Variants in RXFP1 observed in about 807,000 individuals in gnomAD.
The protein encoded by RXFP1 is relaxin receptor 1.
RXFP1 carries 73 observed loss-of-function variants against 89.8 expected under a neutral mutation model. That is an observed-to-expected ratio of 0.81 (90% confidence interval 0.67 to 0.99). The LOEUF (loss-of-function observed/expected upper bound fraction) is 0.99. Among genes scored for constraint, RXFP1 ranks in the 50% least tolerant of loss-of-function variants. RXFP1 has a pLI of 0.00. For synonymous variants in RXFP1, 277 were observed against 305.5 expected, an observed-to-expected ratio of 0.91 and a Z score of 0.97; for missense variants, 793 against 895.5, an observed-to-expected ratio of 0.89 and a Z score of 1.46.
Position 158,648,544 on chromosome 4 carries a change from G to A in RXFP1, c.1802G>A (p.Ser601Asn), listed in dbSNP as rs760651999. The A allele has an allele frequency of 1.9e-6, 3 of 1,609,386 alleles. No individual in the cohort carries two copies. Among genetic ancestry groups the A allele is most frequent in the South Asian group, 1.1e-5 (1 of 89,872 alleles). The part of the protein sequence containing the change: ...AFIIIVFSYG[S>N]MFYSVHQSAI... ...ATCATCATAGTTTTTTCCTATGGAAGCATGTTTTATAGTGTTCATCAAAGT... is the reference window on the plus strand; with the variant it reads ...ATCATCATAGTTTTTTCCTATGGAAACATGTTTTATAGTGTTCATCAAAGT... The change falls in exon 17 of 18, where the codon AGC becomes AAC. Residue 601 changes from serine (S) to asparagine (N), a missense_variant. By Grantham distance (46) the Ser-to-Asn change is conservative (BLOSUM62 1). Transcript: ENST00000307765.
intron 11 of RXFP1, among the ~76,000 whole-genome samples, chr4:158,632,901 G>A (rs1768370325): frequency 1.3e-5 from 2 of 152,222 alleles, no homozygotes; most frequent in South Asian, 4.1e-4. Flanking sequence ...GCCAGGTGCA[G>A]TGGCTCACGC....
intron 1 of RXFP1, among the ~76,000 whole-genome samples, chr4:158,529,285 G>A (rs1463233769): frequency 6.6e-6 from 1 of 150,864 alleles, no homozygotes; most frequent in African/African-American, 2.4e-5. Context: ...ATGAGACAGG[G>A]TTTTGCTCTG....
chr4:158,626,454 C>T lies in RXFP1; in HGVS notation c.756-366C>T, dbSNP rs533965559. Among the ~76,000 whole-genome samples the T allele has an allele frequency of 8.7e-4, 132 of 152,100 alleles. 1 individual carries two copies. The highest frequency in any genetic ancestry group is 2.9e-3 in the African/African-American group (119 of 41,522). On this transcript the variant is annotated intron_variant, in intron 9 of 17. Transcript: ENST00000307765. ...ATCACACCACTTAGGGAAATGCCATCGGTAACTTTGGACAAATGTTTCATA... is the reference window on the plus strand; with the variant it reads ...ATCACACCACTTAGGGAAATGCCATTGGTAACTTTGGACAAATGTTTCATA...
At chr4:158,642,968 T>C (rs189783478) in intron 14 of RXFP1, among the ~76,000 whole-genome samples, 1 of 152,318 alleles carries the variant, frequency 6.6e-6, no homozygotes, top group Admixed American at 6.5e-5. Flanking sequence ...TTGATTTACA[T>C]AGGGCCCAAA....
chr4:158,572,655 A>G (rs1755329281), intron 1 of RXFP1, 43 bp from the exon 2 acceptor site: 2 of 1,587,804 alleles, frequency 1.3e-6, no homozygotes, highest in African/African-American at 2.7e-5. Flanking sequence ...ACGCCTTTGT[A>G]TTAACCACCT....
At chr4:158,612,068 C>T (rs1763684204) in intron 6 of RXFP1, 62 bp from the exon 7 acceptor site, 7 of 1,335,444 alleles carry the variant, frequency 5.2e-6, no homozygotes, top group Admixed American at 4.4e-5. Context: ...ATTGTTTTTA[C>T]TTTTCTTATT....
intron 2 of RXFP1, among the ~76,000 whole-genome samples, chr4:158,574,808 A>G (rs542080984): frequency 1.3e-5 from 2 of 152,362 alleles, no homozygotes; most frequent in South Asian, 2.1e-4. Flanking sequence ...CAGTAACTCA[A>G]GTATAACCAC....
intron 1 of RXFP1, among the ~76,000 whole-genome samples, chr4:158,529,249 TGTTGTTGTTG>T (rs1743399664): frequency 1.0e-5 from 1 of 99,452 alleles, no homozygotes; most frequent in South Asian, 2.8e-4. Context: ...TGTTTTTTGT[TGTTGTTGTTG>T]TTGTTGTTGT....
rs79781893 is a variant in RXFP1 at position 158,543,628 on chromosome 4, C to T, written c.49+21603C>T. ...CAACCAACAGTTTCCCTGAGCCCTCCCAGTCAGTATTTATATTTATTTATT... is the reference window on the plus strand; with the variant it reads ...CAACCAACAGTTTCCCTGAGCCCTCTCAGTCAGTATTTATATTTATTTATT... On this transcript the variant is annotated intron_variant, in intron 1 of 17. Coordinates refer to ENST00000307765, the MANE Select transcript of RXFP1 (RefSeq NM_021634.4). 1,956 of 387,886 alleles carry T rather than the reference C, an allele frequency of 5.0e-3. 35 individuals carry two copies. The highest frequency in any genetic ancestry group is 0.039 in the African/African-American group (1,761 of 45,702). The allele number at this position is 387,886 out of a possible 1,614,324, so 24.0% of individuals were successfully genotyped here.
intron 3 of RXFP1, among the ~76,000 whole-genome samples, chr4:158,593,969 C>A (rs1485303909): frequency 6.6e-6 from 1 of 152,146 alleles, no homozygotes; most frequent in Non-Finnish European, 1.5e-5. Flanking sequence ...TGAAAACTTA[C>A]AAAAACACTG....
chr4:158,554,337 G>C (rs931883443), intron 1 of RXFP1, among the ~76,000 whole-genome samples: 2 of 151,934 alleles, frequency 1.3e-5, no homozygotes, highest in Non-Finnish European at 2.9e-5. Context: ...TTTTTCCTAA[G>C]TATATAAACT....
intron 15 of RXFP1, among the ~76,000 whole-genome samples, chr4:158,646,097 C>A (rs1313285909): frequency 6.6e-6 from 1 of 151,992 alleles, no homozygotes; most frequent in Non-Finnish European, 1.5e-5. Context: ...TGATATGTAA[C>A]GTTTGCTTAA....
intron 2 of RXFP1, among the ~76,000 whole-genome samples, chr4:158,586,414 A>T (rs1485511886): frequency 6.6e-6 from 1 of 152,146 alleles, no homozygotes; most frequent in Non-Finnish European, 1.5e-5. Flanking sequence ...AACACTACCC[A>T]TATATACTGG....
At chr4:158,649,841 G>A (rs1281911352) in intron 17 of RXFP1, among the ~76,000 whole-genome samples, 1 of 152,184 alleles carries the variant, frequency 6.6e-6, no homozygotes, top group Non-Finnish European at 1.5e-5. Context: ...ACCATCCAAT[G>A]TGGAAATGGT....
rs537654313 is a variant in RXFP1 at position 158,550,622 on chromosome 4, G to A, written c.50-22076G>A. On this transcript the variant is annotated intron_variant, in intron 1 of 17. Coordinates refer to ENST00000307765, the MANE Select transcript of RXFP1 (RefSeq NM_021634.4). ...CCCTGACCTTGATCTTAAAGGGTAAGATCTAAATAGGTGAAAAAGAAGATA... is the reference window on the plus strand; with the variant it reads ...CCCTGACCTTGATCTTAAAGGGTAAAATCTAAATAGGTGAAAAAGAAGATA... 7.2e-5 allele frequency among the ~76,000 whole-genome samples: 11 copies of A among 152,304 alleles called. No individual in the cohort carries two copies. The South Asian group carries it at 8.3e-4, about 11-fold the overall frequency.
At chr4:158,567,928 C>A (rs967095792) in intron 1 of RXFP1, among the ~76,000 whole-genome samples, 1 of 152,166 alleles carries the variant, frequency 6.6e-6, no homozygotes, top group East Asian at 1.9e-4. Flanking sequence ...TTCTTTTGCT[C>A]GTTGCAATAA....
chr4:158,603,673 C>T (rs1402806519), intron 4 of RXFP1, among the ~76,000 whole-genome samples: 6 of 151,854 alleles, frequency 4.0e-5, no homozygotes, highest in Non-Finnish European at 8.8e-5. Flanking sequence ...AGGTGGATCA[C>T]AAGGTCAGGA....
chr4:158,540,422 A>T (rs1344512919), intron 1 of RXFP1, among the ~76,000 whole-genome samples: 1 of 151,982 alleles, frequency 6.6e-6, no homozygotes, highest in African/African-American at 2.4e-5. Flanking sequence ...TAGCAATCTA[A>T]TACATTATAA....
At chr4:158,592,689 T>C (rs1042385767) in intron 2 of RXFP1, among the ~76,000 whole-genome samples, 1 of 152,124 alleles carries the variant, frequency 6.6e-6, no homozygotes, top group Non-Finnish European at 1.5e-5. Context: ...GAAACATAAT[T>C]ATTGTAAAAT....
Sources: gnomAD v4.1 joint callset for allele counts (sites outside exome capture counted in the v4.1 genomes callset) on GRCh38, gnomAD v4.1.1 for gene constraint, MANE v1.5 for transcripts, NCBI Gene and HGNC (gene_info 2026-07-23, HGNC 2026-07-21) for gene names.